Variants in GAA observed in about 807,000 individuals in gnomAD.
GAA encodes the protein lysosomal alpha-glucosidase.
A neutral mutation model predicts 103.9 loss-of-function variants in GAA; 88 were observed. The ratio of observed to expected loss-of-function variants is 0.85; its 90% CI spans 0.71 to 1.01. The LOEUF (loss-of-function observed/expected upper bound fraction) is 1.01. Among genes scored for constraint, GAA ranks in the 50% least tolerant of loss-of-function variants. The probability of loss-of-function intolerance (pLI) is 0.00; values close to 1 mark genes in which losing one functional copy is unlikely to be tolerated. For synonymous variants in GAA, 572 were observed against 563.1 expected, an observed-to-expected ratio of 1.02 and a Z score of -0.22; for missense variants, 1,350 against 1,305.3, an observed-to-expected ratio of 1.03 and a Z score of -0.53.
rs1054428070 is a variant in GAA, at chr17:80,111,156, C to T, written c.1636+131C>T. 4.5e-5 allele frequency: 40 copies of T among 897,584 alleles called. No homozygotes were observed. The African/African-American group carries it at 5.9e-4, about 13-fold the overall frequency. The allele number at this position is 897,584 out of a possible 1,614,324, so 55.6% of individuals were successfully genotyped here. On this transcript the variant is annotated intron_variant, in intron 11 of 19. Coordinates refer to ENST00000302262, the MANE Select transcript of GAA (RefSeq NM_000152.5). The stretch of plus-strand genomic sequence containing the variant: ...GGGGAAAGGGGCGGGGGGGGGATCC[C>T]CAGGAGAAAGGCTCAGGCTGGGAGA...
At chr17:80,105,680 G>A (rs537852932) in intron 2 of GAA, 69 bp from the exon 3 acceptor site, 1 of 1,577,878 alleles carries the variant, frequency 6.3e-7, no homozygotes, top group South Asian at 1.1e-5. Context: ...ACCTGTCCTT[G>A]GCGTGCGGGT....
chr17:80,105,256 G>C, intron 2 of GAA, 124 bp downstream of exon 2: 1 of 997,082 alleles, frequency 1.0e-6, no homozygotes, highest in Non-Finnish European at 1.5e-6. Context: ...TGCTGGGAGC[G>C]GAGGTGTGAG....
chr17:80,117,218 T>A, intron 16 of GAA, 109 bp downstream of exon 16: 2 of 1,225,066 alleles, frequency 1.6e-6, no homozygotes, highest in Non-Finnish European at 1.2e-6. Flanking sequence ...GGAACGTATG[T>A]GTTGAGTCCC....
chr17:80,109,525 G>A (rs2039178341), intron 8 of GAA, among the ~76,000 whole-genome samples: 1 of 152,258 alleles, frequency 6.6e-6, no homozygotes, highest in South Asian at 2.1e-4. Flanking sequence ...AGGAAGCACA[G>A]ATGAGATGTG....
chr17:80,113,495 C>T (rs1001452509), intron 15 of GAA, 129 bp downstream of exon 15: 14 of 864,270 alleles, frequency 1.6e-5, no homozygotes, highest in Non-Finnish European at 1.5e-5. Flanking sequence ...AGTGAGACAA[C>T]ATTTGGGCCT....
intron 15 of GAA, 109 bp from the exon 16 acceptor site, chr17:80,116,859 G>A (rs2039361903): frequency 6.3e-6 from 8 of 1,272,082 alleles, no homozygotes; most frequent in Non-Finnish European, 9.1e-6. Flanking sequence ...GGCACCTTGA[G>A]CTCCAGAGAG....
At chr17:80,115,096 G>C (rs761176863) in intron 15 of GAA, among the ~76,000 whole-genome samples, 10 of 151,994 alleles carry the variant, frequency 6.6e-5, no homozygotes, top group Admixed American at 2.6e-4. Flanking sequence ...GAGCTTCTTG[G>C]ACGTATGCAT....
chr17:80,107,873 T>TG lies in GAA; in HGVS notation c.932_933insG (p.Phe311LeufsTer19), dbSNP rs1367693252. 1 of 1,611,152 alleles carries TG rather than the reference T, an allele frequency of 6.2e-7. No homozygotes were observed. The highest frequency in any genetic ancestry group is 1.3e-5 in the African/African-American group (1 of 74,874). On this transcript the variant is annotated frameshift_variant, in exon 5 of 20. Coordinates refer to ENST00000302262, the MANE Select transcript of GAA (RefSeq NM_000152.5). LOFTEE classifies it high-confidence loss of function. ...GACGGCGGGTCGGCACACGGGGTGT[T>TG]CCTGCTAAACAGCAATGCCATGGGT... is the stretch of plus-strand genomic sequence containing the variant.
chr17:80,112,032 C>G lies in GAA; in HGVS notation c.1686C>G (p.His562Gln), dbSNP rs1295865590. 6.2e-7 allele frequency: 1 copy of G among 1,614,056 alleles called. No individual in the cohort carries two copies. The part of the protein sequence containing the change: ...LQAATICASS[H>Q]QFLSTHYNLH... Reference sequence around the variant, plus strand: ...CGGCCACCATCTGTGCCTCCAGCCACCAGTTTCTCTCCACACACTACAACC... The same window carrying G: ...CGGCCACCATCTGTGCCTCCAGCCAGCAGTTTCTCTCCACACACTACAACC... Residue 562 changes from histidine to glutamine, a missense_variant, in exon 12 of 20, where the codon CAC becomes CAG. His to Gln is a conservative substitution (Grantham distance 24). Transcript: ENST00000302262.
chr17:80,110,104 C>A, intron 9 of GAA, 49 bp downstream of exon 9: 1 of 1,435,230 alleles, frequency 7.0e-7, no homozygotes, highest in Non-Finnish European at 9.8e-7. Flanking sequence ...AGGCCTCCAG[C>A]CAGGGGGAGC....
Position 80,119,696 on chromosome 17 carries a change from G to T in GAA, c.*365G>T. 2.9e-6 allele frequency: 1 copy of T among 343,682 alleles called. No individual in the cohort carries two copies. Among genetic ancestry groups the T allele is most frequent in the Non-Finnish European group, 5.7e-6 (1 of 175,686 alleles). The allele number at this position is 343,682 out of a possible 1,614,324, so 21.3% of individuals were successfully genotyped here. ...GGGGGTGCTCAGGTGGAGGTGTGGG[G>T]TATGCACCTGAGCTCCTGCTTCGCG... On this transcript the variant is annotated 3_prime_UTR_variant, in exon 20 of 20. Transcript: ENST00000302262.
At position 80,104,985 on chromosome 17, in the gene GAA, C is replaced by T; in HGVS notation, c.399C>T (p.Tyr133=). Reference sequence around the variant, plus strand: ...CCTGGTGCTTCTTCCCACCCAGCTACCCCAGCTACAAGCTGGAGAACCTGA... The same window carrying T: ...CCTGGTGCTTCTTCCCACCCAGCTATCCCAGCTACAAGCTGGAGAACCTGA... ...GQPWCFFPPS[Y]PSYKLENLSS... Residue 133 remains tyrosine, a synonymous_variant, in exon 2 of 20, where the codon TAC becomes TAT. Transcript: ENST00000302262. The surrounding 1 kb of genome is among the most constrained non-coding windows in gnomAD (Gnocchi z 4.0). 6.2e-7 allele frequency: 1 copy of T among 1,612,870 alleles called. No individual in the cohort carries two copies. Among genetic ancestry groups the T allele is most frequent in the Non-Finnish European group, 8.5e-7 (1 of 1,180,000 alleles).
intron 3 of GAA, among the ~76,000 whole-genome samples, chr17:80,106,935 G>T (rs1050826859): frequency 6.6e-6 from 1 of 152,122 alleles, no homozygotes; most frequent in African/African-American, 2.4e-5. Flanking sequence ...CAACAAACAG[G>T]CATCTTATCA....
At chr17:80,111,774 C>T (rs539323438) in intron 11 of GAA, 3 of 587,738 alleles carry the variant, frequency 5.1e-6, no homozygotes, top group Admixed American at 2.9e-5. Flanking sequence ...CCCGCCCAGC[C>T]CTGTCTTAGA....
At chr17:80,118,384 T>C (rs766942102) in intron 18 of GAA, 27 bp downstream of exon 18, 2 of 1,557,222 alleles carry the variant, frequency 1.3e-6, no homozygotes, top group Non-Finnish European at 1.7e-6. Context: ...CTCAGGCTGG[T>C]GGGCAGGGGC....
At chr17:80,108,881 T>C in intron 8 of GAA, 53 bp downstream of exon 8, 1 of 1,542,618 alleles carries the variant, frequency 6.5e-7, no homozygotes, top group South Asian at 1.2e-5. Flanking sequence ...CGGTGCCCAG[T>C]GGCTCCTTCT....
Position 80,109,995 on chromosome 17 carries a change from C to T in GAA, c.1377C>T (p.Asp459=), listed in dbSNP as rs778121058. 82 of 1,613,158 alleles carry T rather than the reference C, an allele frequency of 5.1e-5. 2 individuals carry two copies. The South Asian group carries it at 5.7e-4, about 11-fold the overall frequency. The change falls in exon 9 of 20, where the codon GAC becomes GAT. Residue 459 remains aspartate (D), a synonymous_variant. Coordinates refer to ENST00000302262, the MANE Select transcript of GAA (RefSeq NM_000152.5). ...SGPAGSYRPY[D]EGLRRGVFIT... is the part of the protein sequence containing the mutation. ...CTGCCGGGAGCTACAGGCCCTACGA[C>T]GAGGGTCTGCGGAGGGGGGTTTTCA...
intron 12 of GAA, 177 bp downstream of exon 12, chr17:80,112,277 T>C: frequency 2.9e-6 from 2 of 691,708 alleles, no homozygotes; most frequent in Non-Finnish European, 5.0e-6. Flanking sequence ...GCTGGAGCGC[T>C]CCTTCCCACT....
At position 80,113,294 on chromosome 17, in the gene GAA, TC is replaced by T; in HGVS notation, c.2122del (p.His708ThrfsTer56). On this transcript the variant is annotated frameshift_variant, in exon 15 of 20. Transcript: ENST00000302262. LOFTEE classifies it high-confidence loss of function. Reference sequence around the variant, plus strand: ...GCCCTCACCCTGCGCTACGCACTCCTCCCCCACCTCTACACACTGTTCCACC... The same window carrying T: ...GCCCTCACCCTGCGCTACGCACTCCTCCCCACCTCTACACACTGTTCCACC... ...RKALTLRYAL[L>X]PHLYTLFHQA... 3 of 1,598,450 alleles carry T rather than the reference TC, an allele frequency of 1.9e-6. No homozygotes were observed. The South Asian group carries it at 3.4e-5, about 18-fold the overall frequency.
Sources: gnomAD v4.1 joint callset for allele counts (sites outside exome capture counted in the v4.1 genomes callset) on GRCh38, gnomAD v4.1.1 for gene constraint, Gnocchi (gnomAD v3.1) non-coding constraint, MANE v1.5 for transcripts, NCBI Gene and HGNC (gene_info 2026-07-23, HGNC 2026-07-21) for gene names.